The following ZNF804B variants were observed in gnomAD, a reference collection of about 807,000 sequenced individuals.
ZNF804B encodes the protein zinc finger protein 804B, also known as zinc finger 804B.
In ZNF804B, 80 loss-of-function variants were observed where a neutral mutation model predicts 101.4. The ratio of observed to expected loss-of-function variants is 0.79; its 90% CI spans 0.66 to 0.95. ZNF804B has a LOEUF of 0.95. Among genes scored for constraint, ZNF804B ranks in the 40% least tolerant of loss-of-function variants. ZNF804B has a pLI of 0.00. For missense variants in ZNF804B, 1,673 were observed against 1,561.9 expected (o/e 1.07, Z -1.20); for synonymous variants, 622 against 558.8 (o/e 1.11, Z -1.59).
At chr7:89,153,429 GATAATAATAATA>G (rs58654760) in intron 1 of ZNF804B, among the ~76,000 whole-genome samples, 66 of 145,524 alleles carry the variant, frequency 4.5e-4, no homozygotes, top group Non-Finnish European at 7.7e-4. Flanking sequence ...TGATGATGAT[GATAATAATAATA>G]ATAATAATAA....
chr7:89,099,524 G>A (rs945839769), intron 1 of ZNF804B, among the ~76,000 whole-genome samples: 4 of 152,134 alleles, frequency 2.6e-5, no homozygotes, highest in African/African-American at 9.7e-5. Context: ...GTTCTAATGT[G>A]ACAAACAAGA....
chr7:89,199,067 C>T (rs1164285832), intron 1 of ZNF804B, among the ~76,000 whole-genome samples: 1 of 151,834 alleles, frequency 6.6e-6, no homozygotes, highest in African/African-American at 2.4e-5. Context: ...TCTTCCCTCT[C>T]TTAGTTTGCA....
chr7:89,067,828 C>T (rs796897464), intron 1 of ZNF804B, among the ~76,000 whole-genome samples: 4 of 132,778 alleles, frequency 3.0e-5, no homozygotes, highest in Non-Finnish European at 4.7e-5. Context: ...CTTTTCTTTT[C>T]TTTTTTTTTT....
intron 2 of ZNF804B, among the ~76,000 whole-genome samples, chr7:89,287,902 A>C (rs533945333): frequency 7.3e-5 from 11 of 150,598 alleles, no homozygotes; most frequent in Admixed American, 5.3e-4. Flanking sequence ...CAACAGCATC[A>C]AAGTATTTCA....
At chr7:89,273,125 T>C (rs761243802) in intron 2 of ZNF804B, among the ~76,000 whole-genome samples, 10 of 152,120 alleles carry the variant, frequency 6.6e-5, no homozygotes, top group Admixed American at 1.3e-4. Flanking sequence ...AAGCACTATG[T>C]CATCATAAAA....
intron 2 of ZNF804B, among the ~76,000 whole-genome samples, chr7:89,305,244 T>A (rs2115930709): frequency 6.6e-6 from 1 of 152,154 alleles, no homozygotes; most frequent in Admixed American, 6.6e-5. Context: ...TTAAATATTT[T>A]GATACACGTT....
intron 1 of ZNF804B, among the ~76,000 whole-genome samples, chr7:89,011,678 C>T (rs1297812501): frequency 3.3e-5 from 5 of 152,144 alleles, no homozygotes. Context: ...CCTTTGACTT[C>T]ATGTCTCTCA....
chr7:89,070,550 TTAAC>T (rs575115599), intron 1 of ZNF804B, among the ~76,000 whole-genome samples: 106 of 152,280 alleles, frequency 7.0e-4, no homozygotes, highest in African/African-American at 2.3e-3. Flanking sequence ...TGAGAGCAAG[TTAAC>T]TAAGTTCTCT....
rs1364902890 is a variant in ZNF804B at position 89,027,979 on chromosome 7, C to G, written c.109-190176C>G. Among the ~76,000 whole-genome samples the G allele has an allele frequency of 2.0e-5, 3 of 152,130 alleles. No homozygotes were observed. The East Asian group carries it at 5.8e-4, about 29-fold the overall frequency. On this transcript the variant is annotated intron_variant, in intron 1 of 3. Transcript: ENST00000333190. ...CTGGAATGTCAGTTTGTGAATCCTT[C>G]AACGTTTTACCACTGGAATTTGTTT... is the stretch of plus-strand genomic sequence containing the variant.
chr7:88,810,554 C>T (rs907628052), intron 1 of ZNF804B, among the ~76,000 whole-genome samples: 1 of 151,000 alleles, frequency 6.6e-6, no homozygotes, highest in African/African-American at 2.4e-5. Flanking sequence ...CCCAGCTACT[C>T]GAGAGGCTGA....
intron 1 of ZNF804B, among the ~76,000 whole-genome samples, chr7:89,125,047 A>G (rs1224836854): frequency 1.4e-5 from 2 of 138,486 alleles, no homozygotes; most frequent in South Asian, 2.3e-4. Flanking sequence ...TTTTTTTTTT[A>G]GTTTTATCAA....
At chr7:88,943,395 T>G (rs546415781) in intron 1 of ZNF804B, among the ~76,000 whole-genome samples, 4 of 151,862 alleles carry the variant, frequency 2.6e-5, no homozygotes, top group Non-Finnish European at 5.9e-5. Context: ...TAGATTCTAT[T>G]TGGACTTTTC....
chr7:88,810,749 A>G (rs905303024), intron 1 of ZNF804B, among the ~76,000 whole-genome samples: 2 of 152,144 alleles, frequency 1.3e-5, no homozygotes, highest in Non-Finnish European at 1.5e-5. Context: ...ATAAATTCCA[A>G]TGTACAAATG....
chr7:89,109,256 G>A (rs1359540899), intron 1 of ZNF804B, among the ~76,000 whole-genome samples: 4 of 152,086 alleles, frequency 2.6e-5, no homozygotes, highest in Admixed American at 1.3e-4. Flanking sequence ...CTGTCTATTC[G>A]TTACACAAGC....
intron 1 of ZNF804B, among the ~76,000 whole-genome samples, chr7:88,979,340 C>T (rs1222014610): frequency 6.6e-6 from 1 of 151,894 alleles, no homozygotes; most frequent in Non-Finnish European, 1.5e-5. Flanking sequence ...GAAGTACTCT[C>T]TTTAGCATTT....
chr7:89,197,417 AGCTCT>A (rs1305789816), intron 1 of ZNF804B, among the ~76,000 whole-genome samples: 2 of 151,964 alleles, frequency 1.3e-5, no homozygotes, highest in African/African-American at 4.8e-5. Flanking sequence ...TGACACTACC[AGCTCT>A]GCCTTTGTTG....
At chr7:89,014,452 G>C (rs1314118420) in intron 1 of ZNF804B, among the ~76,000 whole-genome samples, 3 of 152,094 alleles carry the variant, frequency 2.0e-5, no homozygotes, top group Admixed American at 2.0e-4. Flanking sequence ...GAGTTGCTGA[G>C]ACTACAGGCG....
intron 1 of ZNF804B, among the ~76,000 whole-genome samples, chr7:89,025,694 T>C (rs1018929522): frequency 6.6e-5 from 10 of 152,164 alleles, no homozygotes; most frequent in Non-Finnish European, 1.5e-4. Flanking sequence ...CATCTTGAGA[T>C]CAAAATATTC....
chr7:88,796,014 AC>A (rs1259716683), intron 1 of ZNF804B, among the ~76,000 whole-genome samples: 2 of 152,116 alleles, frequency 1.3e-5, no homozygotes, highest in African/African-American at 4.8e-5. Flanking sequence ...TTCTACTTAG[AC>A]ACTAACTAAA....
Sources: gnomAD v4.1 joint callset for allele counts (sites outside exome capture counted in the v4.1 genomes callset) on GRCh38, gnomAD v4.1.1 for gene constraint, MANE v1.5 for transcripts, NCBI Gene and HGNC (gene_info 2026-07-23, HGNC 2026-07-21) for gene names.